Variants in TYW1B observed in about 807,000 individuals in gnomAD.
TYW1B encodes the protein S-adenosyl-L-methionine-dependent tRNA 4-demethylwyosine synthase TYW1B.
A neutral mutation model predicts 86.9 loss-of-function variants in TYW1B; 73 were observed. The observed-to-expected ratio is 0.84, with a 90% CI of 0.70 to 1.02. The LOEUF (loss-of-function observed/expected upper bound fraction) is 1.02. Ranked by LOEUF, TYW1B falls within the 50% of genes least tolerant of loss-of-function variation. The pLI is 0.00. For synonymous variants in TYW1B, 248 were observed against 292.8 expected (o/e 0.85, Z 1.56); for missense variants, 637 against 827.4 (o/e 0.77, Z 2.82).
intron 6 of TYW1B, among the ~76,000 whole-genome samples, chr7:72,785,048 CT>C (rs1788105009): frequency 1.3e-5 from 2 of 152,038 alleles, no homozygotes; most frequent in African/African-American, 2.4e-5. Context: ...CATGCCACCC[CT>C]AACACCCCAC....
At chr7:72,745,579 C>T (rs1488014405) in intron 7 of TYW1B, among the ~76,000 whole-genome samples, 5 of 151,728 alleles carry the variant, frequency 3.3e-5, no homozygotes, top group African/African-American at 7.3e-5. Flanking sequence ...GTAAGATGAG[C>T]TTGATTTCAG....
chr7:72,719,580 G>A (rs1313917644), intron 9 of TYW1B, among the ~76,000 whole-genome samples: 30 of 131,992 alleles, frequency 2.3e-4, no homozygotes, highest in Admixed American at 9.9e-4. Context: ...GCAGTGAACC[G>A]AGATCTCACC....
At chr7:72,592,560 C>T (rs1179328042) in intron 13 of TYW1B, among the ~76,000 whole-genome samples, 3 of 152,150 alleles carry the variant, frequency 2.0e-5, no homozygotes, top group Admixed American at 6.6e-5. Flanking sequence ...TCATTACTTT[C>T]GATGCCTATT....
intron 13 of TYW1B, among the ~76,000 whole-genome samples, chr7:72,603,322 T>TGATGGATG (rs34898249): frequency 1.1e-4 from 15 of 137,804 alleles, no homozygotes; most frequent in Middle Eastern, 3.9e-3. Context: ...GACAGATAGA[T>TGATGGATG]GATGGATGGA....
At chr7:72,670,092 C>A (rs1813561313) in intron 11 of TYW1B, among the ~76,000 whole-genome samples, 1 of 152,172 alleles carries the variant, frequency 6.6e-6, no homozygotes, top group Non-Finnish European at 1.5e-5. Context: ...GATTGTGCCA[C>A]TGCACTCCAG....
intron 11 of TYW1B, among the ~76,000 whole-genome samples, chr7:72,672,473 A>ACACACACACACACACACAC (rs1813630351): frequency 5.0e-5 from 7 of 140,782 alleles, no homozygotes; most frequent in Admixed American, 2.9e-4. Flanking sequence ...TACACACACA[A>ACACACACACACACACACAC]ACACACACAC....
intron 5 of TYW1B, among the ~76,000 whole-genome samples, chr7:72,806,433 G>A (rs187842993): frequency 1.3e-5 from 2 of 151,982 alleles, no homozygotes; most frequent in East Asian, 3.9e-4. Context: ...GTGGGGTTTC[G>A]CCATGTTGGC....
At chr7:72,775,699 C>T (rs781938588) in intron 7 of TYW1B, among the ~76,000 whole-genome samples, 13 of 151,540 alleles carry the variant, frequency 8.6e-5, no homozygotes, top group Non-Finnish European at 1.8e-4. Flanking sequence ...TTCAAAAAGT[C>T]CTTGGAGTCG....
intron 11 of TYW1B, among the ~76,000 whole-genome samples, chr7:72,681,129 A>C (rs2948337): frequency 6.9e-6 from 1 of 145,852 alleles, no homozygotes; most frequent in African/African-American, 2.5e-5. Context: ...CAGAGCCAGT[A>C]TCCAAACCTT....
intron 7 of TYW1B, among the ~76,000 whole-genome samples, chr7:72,763,562 G>A (rs1020093404): frequency 2.6e-5 from 4 of 152,250 alleles, no homozygotes; most frequent in African/African-American, 4.8e-5. Context: ...GATTACAGGC[G>A]TAAGCCACCA....
chr7:72,619,416 T>C (rs1406015015), intron 12 of TYW1B, among the ~76,000 whole-genome samples: 39 of 148,946 alleles, frequency 2.6e-4, no homozygotes, highest in African/African-American at 8.2e-4. Flanking sequence ...CCGAGGCGGG[T>C]GGATCATGAG....
chr7:72,639,379 C>T (rs184730187), intron 11 of TYW1B, among the ~76,000 whole-genome samples: 304 of 152,144 alleles, frequency 2.0e-3, no homozygotes, highest in African/African-American at 6.9e-3. Flanking sequence ...GTTGCCCAGG[C>T]TGGTCTTGAA....
intron 8 of TYW1B, among the ~76,000 whole-genome samples, chr7:72,738,768 A>G (rs1463386354): frequency 1.3e-4 from 20 of 152,108 alleles, no homozygotes; most frequent in African/African-American, 4.8e-4. Flanking sequence ...AGATAACTAA[A>G]AGAGGAAATA....
chr7:72,575,164 T>C lies in TYW1B; in HGVS notation c.*334A>G. 1 of 1,099,966 alleles carries C rather than the reference T, an allele frequency of 9.1e-7. No homozygotes were observed. The highest frequency in any genetic ancestry group is 1.1e-6 in the Non-Finnish European group (1 of 901,668). 68.1% of individuals were successfully genotyped at this position (1,099,966 alleles called of 1,614,324 possible). ...CAGGGATTTCTTCCTTGTCTGACAC[T>C]CTCAGGACTAGCATTCTGGCAGGTC... On this transcript the variant is annotated 3_prime_UTR_variant, in exon 14 of 14. Coordinates refer to ENST00000620995, the MANE Select transcript of TYW1B (RefSeq NM_001145440.3).
At position 72,691,032 on chromosome 7, in the gene TYW1B, C is replaced by T. The variant is rs528469919; in HGVS notation, c.1506+3655G>A. On this transcript the variant is annotated intron_variant, in intron 11 of 13. Transcript: ENST00000620995. ...CCTCCCAAAGTGCTGGGAATACCGG[C>T]GTGAGCCACTGCGCCCAGCCAGCAT... Among the ~76,000 whole-genome samples the T allele has an allele frequency of 2.0e-3, 312 of 152,278 alleles. 1 individual carries two copies. The highest frequency in any genetic ancestry group is 3.9e-3 in the Non-Finnish European group (266 of 68,012).
At chr7:72,739,678 G>GA (rs1271672255) in intron 8 of TYW1B, among the ~76,000 whole-genome samples, 2 of 148,110 alleles carry the variant, frequency 1.4e-5, no homozygotes, top group Non-Finnish European at 3.0e-5. Flanking sequence ...TTGCTGTTAA[G>GA]AAAAAAATTA....
At chr7:72,691,202 G>T (rs1814150442) in intron 11 of TYW1B, among the ~76,000 whole-genome samples, 2 of 152,304 alleles carry the variant, frequency 1.3e-5, no homozygotes, top group South Asian at 4.1e-4. Flanking sequence ...GTAACAGCTT[G>T]AGTCAATTTA....
chr7:72,634,241 T>C (rs1171884801), intron 11 of TYW1B, among the ~76,000 whole-genome samples: 1 of 151,728 alleles, frequency 6.6e-6, no homozygotes, highest in Non-Finnish European at 1.5e-5. Flanking sequence ...TGCAGTGGCA[T>C]AAGCACGGCC....
At chr7:72,797,407 A>G (rs1554474647) in intron 6 of TYW1B, among the ~76,000 whole-genome samples, 1 of 152,170 alleles carries the variant, frequency 6.6e-6, no homozygotes, top group Non-Finnish European at 1.5e-5. Context: ...CTGGATTCCA[A>G]GAGGACAGGA....
Sources: allele counts gnomAD v4.1 joint callset (sites outside exome capture counted in the v4.1 genomes callset), GRCh38; gene constraint gnomAD v4.1.1; transcripts MANE v1.5; gene names NCBI Gene and HGNC (gene_info 2026-07-23, HGNC 2026-07-21).